Variants in ATF2 observed in about 807,000 individuals in gnomAD.
ATF2 encodes the protein cyclic AMP-dependent transcription factor ATF-2.
A neutral mutation model predicts 60.6 loss-of-function variants in ATF2; 24 were observed. That is an observed-to-expected ratio of 0.40 (90% CI 0.29 to 0.56). The LOEUF is 0.56. Among genes scored for constraint, ATF2 ranks in the 20% least tolerant of loss-of-function variants. The pLI is 0.54. For synonymous variants in ATF2, 206 were observed against 215.4 expected, an observed-to-expected ratio of 0.96 and a Z score of 0.38; for missense variants, 433 against 607.7, an observed-to-expected ratio of 0.71 and a Z score of 3.02.
intron 1 of ATF2, among the ~76,000 whole-genome samples, chr2:175,161,539 C>A (rs1031215973): frequency 6.6e-6 from 1 of 152,160 alleles, no homozygotes; most frequent in Non-Finnish European, 1.5e-5. Context: ...AAGTGGTAGA[C>A]CCCTGATAAT....
chr2:175,108,385 C>T (rs1360415829), intron 10 of ATF2, among the ~76,000 whole-genome samples: 1 of 151,018 alleles, frequency 6.6e-6, no homozygotes, highest in Admixed American at 6.6e-5. Flanking sequence ...TCAGCGTCCA[C>T]CCGGCCAGCC....
Position 175,083,228 on chromosome 2 carries a change from G to A in ATF2, c.1186-2463C>T, listed in dbSNP as rs550635894. Among the ~76,000 whole-genome samples the A allele has an allele frequency of 1.7e-3, 259 of 151,920 alleles. 1 individual carries two copies. The highest frequency in any genetic ancestry group is 2.1e-3 in the Non-Finnish European group (145 of 67,906). On this transcript the variant is annotated intron_variant, in intron 12 of 13. Coordinates refer to ENST00000264110, the MANE Select transcript of ATF2 (RefSeq NM_001880.4). ...AAAAGAACAAAGCTGGAGGCATCAC[G>A]CTACCTGACTTCAAACTATACTACA...
intron 7 of ATF2, among the ~76,000 whole-genome samples, chr2:175,115,227 A>T (rs1160158295): frequency 6.6e-6 from 1 of 152,118 alleles, no homozygotes; most frequent in African/African-American, 2.4e-5. Flanking sequence ...TCCAGAAGGG[A>T]CTGTTTAGTC....
chr2:175,109,967 T>C (rs1438772268), intron 10 of ATF2, among the ~76,000 whole-genome samples: 1 of 152,214 alleles, frequency 6.6e-6, no homozygotes, highest in South Asian at 2.1e-4. Context: ...TCAGATAATA[T>C]GTAAGTTTTA....
At position 175,115,718 on chromosome 2, in the gene ATF2, C is replaced by T. The variant is rs370619354; in HGVS notation, c.448-850G>A. Among the ~76,000 whole-genome samples the T allele has an allele frequency of 3.7e-4, 56 of 152,174 alleles. 1 individual carries two copies. The highest frequency in any genetic ancestry group is 1.2e-3 in the African/African-American group (50 of 41,524). On this transcript the variant is annotated intron_variant, in intron 7 of 13. Coordinates refer to ENST00000264110, the MANE Select transcript of ATF2 (RefSeq NM_001880.4). ...TCAGTAAGTTGAGAACTTATGCTCC[C>T]AAGGACTAGCTCTCAAGGAAGAGAC...
At chr2:175,076,337 AAAC>A (rs1325008504) in intron 13 of ATF2, among the ~76,000 whole-genome samples, 17 of 152,082 alleles carry the variant, frequency 1.1e-4, no homozygotes, top group Admixed American at 3.9e-4. Flanking sequence ...AGGTACAATA[AAAC>A]AACACCACCA....
In ATF2 at chr2:175,093,244, T is replaced by C. The variant is rs771619234; in HGVS notation, c.1002A>G (p.Pro334=). The C allele has an allele frequency of 3.7e-6, 6 of 1,614,072 alleles. No homozygotes were observed. Among genetic ancestry groups the C allele is most frequent in the Non-Finnish European group, 5.1e-6 (6 of 1,179,996 alleles). ...GACGACCACTTGTACTTTGGGTCTGTGGAGTTGTGTGAGCTGGAGAAGCCT... is the reference window on the plus strand; with the variant it reads ...GACGACCACTTGTACTTTGGGTCTGCGGAGTTGTGTGAGCTGGAGAAGCCT... ...ETPASPAHTT[P]QTQSTSGRRR... Residue 334 remains proline, a synonymous_variant, in exon 12 of 14, where the codon CCA becomes CCG. Coordinates refer to ENST00000264110, the MANE Select transcript of ATF2 (RefSeq NM_001880.4).
At chr2:175,108,790 A>AAAG (rs59756950) in intron 10 of ATF2, among the ~76,000 whole-genome samples, 39,555 of 151,974 alleles carry the variant, frequency 0.26, 6,092 homozygotes, top group African/African-American at 0.44. Context: ...ATCTGTGTAG[A>AAAG]AAGTAGACAT....
chr2:175,090,777 T>C (rs930146051), intron 12 of ATF2, among the ~76,000 whole-genome samples: 1 of 152,132 alleles, frequency 6.6e-6, no homozygotes, highest in African/African-American at 2.4e-5. Context: ...TACCTAATGA[T>C]AAATCTTATC....
chr2:175,128,037 G>A (rs1559093729), intron 4 of ATF2, among the ~76,000 whole-genome samples: 1 of 152,114 alleles, frequency 6.6e-6, no homozygotes, highest in Admixed American at 6.6e-5. Context: ...TGTGGTACTA[G>A]CATAAAAGTT....
intron 13 of ATF2, among the ~76,000 whole-genome samples, chr2:175,075,891 C>T (rs1693257077): frequency 6.6e-6 from 1 of 152,194 alleles, no homozygotes; most frequent in Admixed American, 6.5e-5. Flanking sequence ...CAGTATCACA[C>T]TGGATGTATT....
intron 2 of ATF2, among the ~76,000 whole-genome samples, chr2:175,137,083 T>C (rs576941498): frequency 1.3e-5 from 2 of 152,316 alleles, no homozygotes; most frequent in East Asian, 3.9e-4. Context: ...TATGTGGTTA[T>C]CCAAATAAGC....
intron 10 of ATF2, among the ~76,000 whole-genome samples, chr2:175,103,053 TC>T (rs1382892378): frequency 3.3e-4 from 50 of 152,320 alleles, no homozygotes; most frequent in South Asian, 2.9e-3. Flanking sequence ...AGAGGTGATC[TC>T]CTAGAAATAA....
chr2:175,130,389 T>C (rs544057295), intron 3 of ATF2, among the ~76,000 whole-genome samples, 182 bp from the exon 4 acceptor site: 9 of 152,222 alleles, frequency 5.9e-5, no homozygotes, highest in African/African-American at 2.2e-4. Flanking sequence ...ACATGTAACA[T>C]GCAGATTTTG....
chr2:175,168,012 G>A (rs1157331630), intron 1 of ATF2, 38 bp downstream of exon 1: 1 of 316,328 alleles, frequency 3.2e-6, no homozygotes, highest in African/African-American at 2.2e-5. Context: ...TATCCCTACA[G>A]TCTCCAGCCC....
At chr2:175,134,313 G>A (rs1170654909) in intron 3 of ATF2, among the ~76,000 whole-genome samples, 2 of 152,034 alleles carry the variant, frequency 1.3e-5, no homozygotes, top group Non-Finnish European at 2.9e-5. Context: ...TAAGTAACTG[G>A]AGCATCCTCA....
chr2:175,156,393 A>AC (rs1699690110), intron 1 of ATF2, among the ~76,000 whole-genome samples: 2 of 149,958 alleles, frequency 1.3e-5, no homozygotes, highest in East Asian at 3.9e-4. Flanking sequence ...AAAAAAAAAA[A>AC]AAAAAAAAAA....
intron 2 of ATF2, among the ~76,000 whole-genome samples, chr2:175,139,908 A>G (rs531190574): frequency 1.3e-5 from 2 of 152,282 alleles, no homozygotes; most frequent in African/African-American, 4.8e-5. Context: ...TTGCTGAAAT[A>G]TACTCACTCA....
At chr2:175,096,846 T>C (rs1030102222) in intron 11 of ATF2, among the ~76,000 whole-genome samples, 1 of 152,228 alleles carries the variant, frequency 6.6e-6, no homozygotes, top group South Asian at 2.1e-4. Flanking sequence ...TGTTATTGTC[T>C]ATAAAATTTA....
Sources: gnomAD v4.1 joint callset for allele counts (sites outside exome capture counted in the v4.1 genomes callset) on GRCh38, gnomAD v4.1.1 for gene constraint, MANE v1.5 for transcripts, NCBI Gene and HGNC (gene_info 2026-07-23, HGNC 2026-07-21) for gene names.